PRKN: variants seen among roughly 807,000 people sequenced by gnomAD.
The protein encoded by PRKN is parkin RBR E3 ubiquitin protein ligase.
Under a neutral mutation model 59.5 loss-of-function variants are expected in PRKN, and 56 were observed. The ratio of observed to expected loss-of-function variants is 0.94; its 90% CI spans 0.76 to 1.18. The LOEUF is 1.18. PRKN is among the 50% of genes most tolerant of loss of function. The pLI is 0.00. For synonymous variants in PRKN, 250 were observed against 222.1 expected (o/e 1.13, Z -1.12); for missense variants, 657 against 596.4 (o/e 1.10, Z -1.06).
chr6:162,448,139 G>C (rs1211821273), intron 1 of PRKN, among the ~76,000 whole-genome samples: 2 of 152,110 alleles, frequency 1.3e-5, no homozygotes, highest in Non-Finnish European at 2.9e-5. Context: ...AAGCTCCGTG[G>C]GATGTTCGGC....
At chr6:162,088,058 C>G (rs1779328998) in intron 4 of PRKN, among the ~76,000 whole-genome samples, 1 of 152,148 alleles carries the variant, frequency 6.6e-6, no homozygotes, top group South Asian at 2.1e-4. Flanking sequence ...CAATCCAGTA[C>G]AGGCTCCAAT....
At chr6:162,722,205 A>T (rs1046137396) in intron 1 of PRKN, among the ~76,000 whole-genome samples, 2 of 152,232 alleles carry the variant, frequency 1.3e-5, no homozygotes, top group Non-Finnish European at 2.9e-5. Context: ...GTATAAAGAA[A>T]TGACACTGAA....
rs1027485034 is a variant in PRKN, at chr6:162,385,112, A to T, written c.171+58198T>A. 1.1e-4 allele frequency among the ~76,000 whole-genome samples: 16 copies of T among 152,134 alleles called. 1 individual carries two copies. The highest frequency in any genetic ancestry group is 4.1e-4 in the South Asian group (2 of 4,820). ...ACAGAATCATATTAATTATCTTTTT[A>T]AAAAACCTGAAAATACCATCAAGAT... On this transcript the variant is annotated intron_variant, in intron 2 of 11. Transcript: ENST00000366898.
chr6:162,654,112 T>G (rs890749514), intron 1 of PRKN, among the ~76,000 whole-genome samples: 1 of 152,170 alleles, frequency 6.6e-6, no homozygotes, highest in African/African-American at 2.4e-5. Flanking sequence ...ATTTCAGATA[T>G]AGGAAAACAG....
chr6:161,883,061 G>T (rs547991650), intron 6 of PRKN, among the ~76,000 whole-genome samples: 1 of 151,824 alleles, frequency 6.6e-6, no homozygotes, highest in Admixed American at 6.6e-5. Flanking sequence ...CTCCAGGTAG[G>T]TATTTTTTCT....
At chr6:161,957,644 C>G (rs1780230915) in intron 6 of PRKN, among the ~76,000 whole-genome samples, 1 of 152,098 alleles carries the variant, frequency 6.6e-6, no homozygotes. Flanking sequence ...AAGATGGTCT[C>G]AATCTCCTGA....
chr6:161,498,942 G>C lies in PRKN; in HGVS notation c.1083+49912C>G, dbSNP rs1288680668. On this transcript the variant is annotated intron_variant, in intron 9 of 11. Coordinates refer to ENST00000366898, the MANE Select transcript of PRKN (RefSeq NM_004562.3). The surrounding 1 kb of genome is among the most constrained non-coding windows in gnomAD (Gnocchi z 4.2). ...GAGATGGGGTGAGTGTGTGTGTATG[G>C]GGATGGGGGAGGATTGAGATTCTTC... Among the ~76,000 whole-genome samples the C allele has an allele frequency of 2.0e-5, 3 of 151,696 alleles. No individual in the cohort carries two copies. The highest frequency in any genetic ancestry group is 4.4e-5 in the Non-Finnish European group (3 of 68,024).
At chr6:161,629,922 T>C (rs916503900) in intron 7 of PRKN, among the ~76,000 whole-genome samples, 15 of 152,178 alleles carry the variant, frequency 9.9e-5, no homozygotes, top group Admixed American at 6.5e-5. Flanking sequence ...TCTGTGACAA[T>C]AGCGCCAGGT....
At chr6:161,879,228 T>G (rs1794841045) in intron 6 of PRKN, among the ~76,000 whole-genome samples, 1 of 151,940 alleles carries the variant, frequency 6.6e-6, no homozygotes, top group Non-Finnish European at 1.5e-5. Context: ...GTTGAAGGAC[T>G]AAGAATATTG....
At position 161,373,873 on chromosome 6, in the gene PRKN, C is replaced by A. The variant is rs1785542180; in HGVS notation, c.1167+12921G>T. Among the ~76,000 whole-genome samples, 1 of 152,150 alleles carries A rather than the reference C, an allele frequency of 6.6e-6. No individual in the cohort carries two copies. Among genetic ancestry groups the A allele is most frequent in the East Asian group, 1.9e-4 (1 of 5,184 alleles). ...TAGCTTTTCAAATCTGCACACCTCT[C>A]AGAAATGCTCCTCCTGGGGACACAG... On this transcript the variant is annotated intron_variant, in intron 10 of 11. Coordinates refer to ENST00000366898, the MANE Select transcript of PRKN (RefSeq NM_004562.3). The surrounding 1 kb of genome is among the most constrained non-coding windows in gnomAD (Gnocchi z 4.8).
chr6:162,718,364 C>A (rs1197592626), intron 1 of PRKN, among the ~76,000 whole-genome samples: 1 of 152,100 alleles, frequency 6.6e-6, no homozygotes, highest in Non-Finnish European at 1.5e-5. Context: ...AGAATTGTGA[C>A]AACTATGTCT....
rs1288031080 is a variant in PRKN at position 161,467,455 on chromosome 6, C to T, written c.1084-80578G>A. On this transcript the variant is annotated intron_variant, in intron 9 of 11. Transcript: ENST00000366898. The surrounding 1 kb of genome is among the most constrained non-coding windows in gnomAD (Gnocchi z 4.3). ...TGCTGGGCATTTAAGAGTGTAATGA[C>T]GAGTAAGATGGGCATTTCTCTGTAA... 2.0e-5 allele frequency among the ~76,000 whole-genome samples: 3 copies of T among 152,058 alleles called. No individual in the cohort carries two copies. Among genetic ancestry groups the T allele is most frequent in the East Asian group, 1.9e-4 (1 of 5,178 alleles).
rs1242180630 is a variant in PRKN at position 161,991,594 on chromosome 6, C to T, written c.619-18177G>A. Among the ~76,000 whole-genome samples, 3 of 152,104 alleles carry T rather than the reference C, an allele frequency of 2.0e-5. No individual in the cohort carries two copies. In the East Asian group the frequency reaches 5.8e-4, roughly 29 times the overall value. On this transcript the variant is annotated intron_variant, in intron 5 of 11. Transcript: ENST00000366898. ...TGGTGGCTCATGCCTGTAATCTCAG[C>T]ACTTTGGGAGGCCGAGGCGGGCGGG...
At chr6:162,012,712 G>A (rs1782781884) in intron 5 of PRKN, among the ~76,000 whole-genome samples, 1 of 152,110 alleles carries the variant, frequency 6.6e-6, no homozygotes, top group South Asian at 2.1e-4. Flanking sequence ...ACCACCTGCT[G>A]CATTGAGTTT....
At chr6:162,075,964 C>CTTTTTTTTT (rs201642343) in intron 4 of PRKN, among the ~76,000 whole-genome samples, 1 of 132,966 alleles carries the variant, frequency 7.5e-6, no homozygotes, top group Non-Finnish European at 1.6e-5. Context: ...GAAAGGCTTG[C>CTTTTTTTTT]TTTTTTTTTT....
At chr6:161,617,350 T>C (rs1363450608) in intron 7 of PRKN, among the ~76,000 whole-genome samples, 1 of 152,230 alleles carries the variant, frequency 6.6e-6, no homozygotes, top group Non-Finnish European at 1.5e-5. Flanking sequence ...TCCCATTGTG[T>C]AGGCTGCCTG....
chr6:161,538,970 T>C lies in PRKN; in HGVS notation c.1083+9884A>G, dbSNP rs1409358669. ...TAGCGCTGACCTTGGTGTTCCTGTTTCGTGTGAAGAGTGAGGGCGTGCTGC... is the reference window on the plus strand; with the variant it reads ...TAGCGCTGACCTTGGTGTTCCTGTTCCGTGTGAAGAGTGAGGGCGTGCTGC... On this transcript the variant is annotated intron_variant, in intron 9 of 11. Coordinates refer to ENST00000366898, the MANE Select transcript of PRKN (RefSeq NM_004562.3). The surrounding 1 kb of genome is among the most constrained non-coding windows in gnomAD (Gnocchi z 4.2). Among the ~76,000 whole-genome samples, 1 of 152,118 alleles carries C rather than the reference T, an allele frequency of 6.6e-6. No homozygotes were observed. Among genetic ancestry groups the C allele is most frequent in the African/African-American group, 2.4e-5 (1 of 41,450 alleles).
intron 10 of PRKN, among the ~76,000 whole-genome samples, chr6:161,368,277 ATGTATATATT>A (rs1207890685): frequency 1.4e-5 from 2 of 141,904 alleles, no homozygotes; most frequent in African/African-American, 5.3e-5. Flanking sequence ...ATTTATATAT[ATGTATATATT>A]TATATATATT....
chr6:161,856,455 T>A (rs1412750929), intron 6 of PRKN, among the ~76,000 whole-genome samples: 1 of 152,192 alleles, frequency 6.6e-6, no homozygotes, highest in Non-Finnish European at 1.5e-5. Context: ...ATATATGCTT[T>A]CTGTAATTTG....
Sources: allele counts gnomAD v4.1 joint callset (sites outside exome capture counted in the v4.1 genomes callset), GRCh38; gene constraint gnomAD v4.1.1; non-coding constraint Gnocchi (gnomAD v3.1); transcripts MANE v1.5; gene names NCBI Gene and HGNC (gene_info 2026-07-23, HGNC 2026-07-21).